The following DOT1L variants were observed in gnomAD, a reference collection of about 807,000 sequenced individuals.
The protein encoded by DOT1L is histone-lysine N-methyltransferase, H3 lysine-79 specific.
Under a neutral mutation model 153.3 loss-of-function variants are expected in DOT1L, and 33 were observed. The observed-to-expected ratio is 0.22, with a 90% CI of 0.16 to 0.29. The LOEUF is 0.29. Among genes scored for constraint, DOT1L ranks in the 10% least tolerant of loss-of-function variants. The probability of loss-of-function intolerance (pLI) is 1.00; values close to 1 mark genes in which losing one functional copy is unlikely to be tolerated. For synonymous variants in DOT1L, 1,135 were observed against 965.1 expected, an observed-to-expected ratio of 1.18 and a Z score of -3.26; for missense variants, 1,847 against 2,119.9, an observed-to-expected ratio of 0.87 and a Z score of 2.53.
intron 22 of DOT1L, among the ~76,000 whole-genome samples, chr19:2,219,461 C>A (rs898408826): frequency 6.6e-6 from 1 of 152,244 alleles, no homozygotes; most frequent in Non-Finnish European, 1.5e-5. Context: ...TCTCTTGGCA[C>A]GTGAGGGCAT....
intron 1 of DOT1L, among the ~76,000 whole-genome samples, chr19:2,169,066 C>T (rs976589173): frequency 7.2e-5 from 11 of 152,098 alleles, no homozygotes; most frequent in African/African-American, 2.7e-4. Flanking sequence ...CGGGCAGGGG[C>T]GGCCTCCACT....
intron 12 of DOT1L, 118 bp downstream of exon 12, chr19:2,209,094 TC>T: frequency 8.5e-7 from 1 of 1,176,688 alleles, no homozygotes; most frequent in Non-Finnish European, 1.2e-6. Flanking sequence ...CTGCCGCCCC[TC>T]GGGGCCCGGC....
rs181371919 is a variant in DOT1L, at chr19:2,178,309, A to C, written c.82-2404A>C. ...TTTGGGAGGCCAAGGCAGACAGCTC[A>C]CTTGAGGCCAGGAGTTTGAGACCAG... On this transcript the variant is annotated intron_variant, in intron 1 of 27. Coordinates refer to ENST00000398665, the MANE Select transcript of DOT1L (RefSeq NM_032482.3). Among the ~76,000 whole-genome samples, 332 of 140,050 alleles carry C rather than the reference A, an allele frequency of 2.4e-3. 4 individuals carry two copies. The highest frequency in any genetic ancestry group is 6.6e-3 in the African/African-American group (244 of 37,212). 91.9% of individuals were successfully genotyped at this position (140,050 alleles called of 152,430 possible). A position where few individuals can be genotyped will look rare whatever the true frequency, so the allele number is the denominator to read the frequency against.
chr19:2,227,762 C>T lies in DOT1L; in HGVS notation c.4606+635C>T, dbSNP rs780943613. On this transcript the variant is annotated intron_variant, in intron 27 of 27. Coordinates refer to ENST00000398665, the MANE Select transcript of DOT1L (RefSeq NM_032482.3). ...GTGTCTTTAACCACGCGGTGCCCTCCGCCTCTGCTCATCCGTTTGGAGCCC... is the reference window on the plus strand; with the variant it reads ...GTGTCTTTAACCACGCGGTGCCCTCTGCCTCTGCTCATCCGTTTGGAGCCC... 7.3e-5 allele frequency: 97 copies of T among 1,319,782 alleles called. 1 individual carries two copies. The Middle Eastern group carries it at 9.5e-4, about 13-fold the overall frequency. The allele number at this position is 1,319,782 out of a possible 1,614,324, so 81.8% of individuals were successfully genotyped here. A position where few individuals can be genotyped will look rare whatever the true frequency, so the allele number is the denominator to read the frequency against.
In DOT1L at chr19:2,191,917, G is replaced by A. The variant is rs1019859901; in HGVS notation, c.493+677G>A. On this transcript the variant is annotated intron_variant, in intron 5 of 27. Coordinates refer to ENST00000398665, the MANE Select transcript of DOT1L (RefSeq NM_032482.3). This position sits in a 1 kb window ranked among gnomAD's most constrained non-coding sequence, Gnocchi z 6.8. The stretch of plus-strand genomic sequence containing the variant: ...CCCTAGGTGTGTCTTCAGCAGCAGC[G>A]TGGCCTGGCTGAAGCACAGATGAGC... Among the ~76,000 whole-genome samples, 1 of 152,214 alleles carries A rather than the reference G, an allele frequency of 6.6e-6. No individual in the cohort carries two copies. The highest frequency in any genetic ancestry group is 1.5e-5 in the Non-Finnish European group (1 of 68,028).
rs936576365 is a variant in DOT1L at position 2,194,748 on chromosome 19, G to A, written c.651+171G>A. On this transcript the variant is annotated intron_variant, in intron 7 of 27. Coordinates refer to ENST00000398665, the MANE Select transcript of DOT1L (RefSeq NM_032482.3). ...GCTGCCTGGGCGTGGCGTCTGAGCC[G>A]GCAGCAGGCGCCTCTGTTGGTACCG... Among the ~76,000 whole-genome samples the A allele has an allele frequency of 9.9e-5, 15 of 152,272 alleles. 1 individual carries two copies. The highest frequency in any genetic ancestry group is 3.3e-4 in the Admixed American group (5 of 15,300).
In DOT1L at chr19:2,220,951, G is replaced by A. The variant is rs1449129617; in HGVS notation, c.2806+729G>A. On this transcript the variant is annotated intron_variant, in intron 23 of 27. Transcript: ENST00000398665. This position sits in a 1 kb window ranked among gnomAD's most constrained non-coding sequence, Gnocchi z 4.5. ...AGCACCTTGGGATGCCGAGGTGGGC[G>A]GATCACCTGAGGACAGGAGTTTGAG... 9 of 221,428 alleles carry A rather than the reference G, an allele frequency of 4.1e-5. No homozygotes were observed. The highest frequency in any genetic ancestry group is 1.0e-4 in the Admixed American group (2 of 19,050). 13.7% of individuals were successfully genotyped at this position (221,428 alleles called of 1,614,324 possible). A position where few individuals can be genotyped will look rare whatever the true frequency, so the allele number is the denominator to read the frequency against.
At chr19:2,203,732 G>C (rs549065617) in intron 9 of DOT1L, among the ~76,000 whole-genome samples, 2 of 152,324 alleles carry the variant, frequency 1.3e-5, no homozygotes, top group East Asian at 3.9e-4. Flanking sequence ...GACTGAGCCT[G>C]CCATTGTCTC....
chr19:2,170,141 C>T (rs1005806692), intron 1 of DOT1L, among the ~76,000 whole-genome samples: 1 of 152,154 alleles, frequency 6.6e-6, no homozygotes, highest in East Asian at 1.9e-4. Context: ...CTCAAACAAA[C>T]AGACAAAATT....
intron 7 of DOT1L, among the ~76,000 whole-genome samples, chr19:2,199,547 T>C (rs754015136): frequency 6.6e-6 from 1 of 152,144 alleles, no homozygotes; most frequent in Non-Finnish European, 1.5e-5. Context: ...CAGCCCCTGA[T>C]TTTGAGCTTA....
rs372949313 is a variant in DOT1L, at chr19:2,181,763, A to C, written c.125+1007A>C. Among the ~76,000 whole-genome samples the C allele has an allele frequency of 4.5e-3, 627 of 138,554 alleles. 9 individuals carry two copies. The highest frequency in any genetic ancestry group is 0.013 in the South Asian group (55 of 4,270). 90.9% of individuals were successfully genotyped at this position (138,554 alleles called of 152,430 possible). A position where few individuals can be genotyped will look rare whatever the true frequency, so the allele number is the denominator to read the frequency against. On this transcript the variant is annotated intron_variant, in intron 2 of 27. Transcript: ENST00000398665. ...GACCCCAGCCCAGCCCCCGCCCAGC[A>C]CCAGCCCCAGCCCCAGCCCCAGCCC...
intron 16 of DOT1L, chr19:2,212,175 T>C: frequency 4.5e-6 from 1 of 223,504 alleles, no homozygotes; most frequent in Non-Finnish European, 8.8e-6. Flanking sequence ...GAGGTCACAG[T>C]CTTCCCAGTT....
At chr19:2,214,232 T>C (rs1599599879) in intron 18 of DOT1L, 3 of 873,326 alleles carry the variant, frequency 3.4e-6, no homozygotes, top group Non-Finnish European at 5.1e-6. Flanking sequence ...GCTCGAGGTG[T>C]GGGGTCATGC....
Position 2,189,197 on chromosome 19 carries a change from C to T in DOT1L, c.201-535C>T, listed in dbSNP as rs559850613. Among the ~76,000 whole-genome samples, 21 of 152,332 alleles carry T rather than the reference C, an allele frequency of 1.4e-4. 1 individual carries two copies. The South Asian group carries it at 3.5e-3, about 26-fold the overall frequency. ...AATGAGTTGGAGCTTTGGAAGGACACGCTCACAGAGCAGTGTGGGTGGGGG... is the reference window on the plus strand; with the variant it reads ...AATGAGTTGGAGCTTTGGAAGGACATGCTCACAGAGCAGTGTGGGTGGGGG... On this transcript the variant is annotated intron_variant, in intron 3 of 27. Transcript: ENST00000398665.
chr19:2,225,282 C>T (rs1599621496), intron 25 of DOT1L, 106 bp from the exon 26 acceptor site: 1 of 1,148,962 alleles, frequency 8.7e-7, no homozygotes, highest in Non-Finnish European at 1.3e-6. Flanking sequence ...CCGAGTGCTT[C>T]TCGTTCACCA....
rs774988862 is a variant in DOT1L, at chr19:2,211,752, G to A, written c.1467G>A (p.Glu489=). 1.0e-5 allele frequency: 16 copies of A among 1,561,254 alleles called. No homozygotes were observed. In the African/African-American group the frequency reaches 2.2e-4, roughly 21 times the overall value. ...PTPPALQKLL[E]SFKIQYLQFL... ...CCTGTGTTCCGCCTCTCTTCCCAGA[G>A]TCCTTCAAGATCCAGTACCTGCAGT... The change falls in exon 16 of 28, where the codon GAG becomes GAA. Residue 489 remains glutamate (E), a splice_region_variant and synonymous_variant. Transcript: ENST00000398665.
At chr19:2,181,965 AT>A (rs996388069) in intron 2 of DOT1L, among the ~76,000 whole-genome samples, 4 of 152,026 alleles carry the variant, frequency 2.6e-5, no homozygotes, top group Non-Finnish European at 5.9e-5. Flanking sequence ...GCTCACGCCT[AT>A]AATCCCAGCG....
At chr19:2,164,362 C>T (rs2019826523) in intron 1 of DOT1L, 97 bp downstream of exon 1, 9 of 830,836 alleles carry the variant, frequency 1.1e-5, no homozygotes, top group Middle Eastern at 3.9e-4. Context: ...TCACCGGTCC[C>T]CCCTGCGGAA....
Position 2,220,572 on chromosome 19 carries a change from C to T in DOT1L, c.2806+350C>T, listed in dbSNP as rs983052626. The T allele has an allele frequency of 4.2e-6, 2 of 479,292 alleles. No individual in the cohort carries two copies. Among genetic ancestry groups the T allele is most frequent in the Non-Finnish European group, 8.3e-6 (2 of 241,442 alleles). 29.7% of individuals were successfully genotyped at this position (479,292 alleles called of 1,614,324 possible). Reference sequence around the variant, plus strand: ...AGGATCGGCTCCACACACAGCAGTGCCCAATGGCACACGACCGTGGGCCTC... The same window carrying T: ...AGGATCGGCTCCACACACAGCAGTGTCCAATGGCACACGACCGTGGGCCTC... On this transcript the variant is annotated intron_variant, in intron 23 of 27. Transcript: ENST00000398665. This position sits in a 1 kb window ranked among gnomAD's most constrained non-coding sequence, Gnocchi z 4.5.
Sources: gnomAD v4.1 joint callset for allele counts (sites outside exome capture counted in the v4.1 genomes callset) on GRCh38, gnomAD v4.1.1 for gene constraint, Gnocchi (gnomAD v3.1) non-coding constraint, MANE v1.5 for transcripts, NCBI Gene and HGNC (gene_info 2026-07-23, HGNC 2026-07-21) for gene names.